The following PCED1B variants were observed in gnomAD, a reference collection of about 807,000 sequenced individuals.
PCED1B encodes the protein PC-esterase domain-containing protein 1B.
For missense variants in PCED1B, 573 were observed against 573.9 expected (o/e 1.00, Z 0.02); for synonymous variants, 251 against 246.1 (o/e 1.02, Z -0.19).
chr12:47,158,031 C>T (rs981342619), intron 2 of PCED1B, among the ~76,000 whole-genome samples: 10 of 152,012 alleles, frequency 6.6e-5, no homozygotes, highest in African/African-American at 2.4e-4. Flanking sequence ...TTTCACTTAT[C>T]TATTTATTTG....
chr12:47,118,679 T>C (rs1939542089), intron 2 of PCED1B, among the ~76,000 whole-genome samples: 1 of 152,214 alleles, frequency 6.6e-6, no homozygotes, highest in Non-Finnish European at 1.5e-5. Context: ...TGTGGGCTCT[T>C]TTTTGGTTCC....
intron 3 of PCED1B, among the ~76,000 whole-genome samples, chr12:47,232,098 AGG>A (rs1211031852): frequency 1.3e-5 from 2 of 152,236 alleles, no homozygotes; most frequent in Admixed American, 6.5e-5. Context: ...AGCATATAGT[AGG>A]CACTTATTAA....
At chr12:47,218,867 A>G (rs1943386538) in intron 3 of PCED1B, among the ~76,000 whole-genome samples, 1 of 152,006 alleles carries the variant, frequency 6.6e-6, no homozygotes, top group Non-Finnish European at 1.5e-5. Context: ...CCTGTGGAAA[A>G]AGGTGACTCA....
chr12:47,211,134 T>G (rs1943064722), intron 2 of PCED1B, among the ~76,000 whole-genome samples: 1 of 152,180 alleles, frequency 6.6e-6, no homozygotes, highest in Non-Finnish European at 1.5e-5. Flanking sequence ...AAGCCATAAA[T>G]GCACTCCCAA....
chr12:47,120,763 C>A (rs1258330728), intron 2 of PCED1B, among the ~76,000 whole-genome samples: 1 of 152,146 alleles, frequency 6.6e-6, no homozygotes, highest in Non-Finnish European at 1.5e-5. Flanking sequence ...GATCATGTCA[C>A]TGCCTTTCAG....
chr12:47,125,302 G>A (rs1324758839), intron 2 of PCED1B, among the ~76,000 whole-genome samples: 4 of 151,860 alleles, frequency 2.6e-5, no homozygotes, highest in African/African-American at 4.8e-5. Context: ...TTGTACCCCT[G>A]CAAAAATCAA....
chr12:47,236,083 C>T lies in PCED1B; in HGVS notation c.1020C>T (p.Ala340=). The part of the protein sequence containing the change: ...MPRFPQGPPD[A]CFSSDHTFQS... ...GGTTCCCACAGGGTCCCCCAGATGCCTGTTTTTCCTCAGACCATACTTTCC... is the reference window on the plus strand; with the variant it reads ...GGTTCCCACAGGGTCCCCCAGATGCTTGTTTTTCCTCAGACCATACTTTCC... The change falls in exon 4 of 4, where the codon GCC becomes GCT. Residue 340 remains alanine, a synonymous_variant. Coordinates refer to ENST00000546455, the MANE Select transcript of PCED1B (RefSeq NM_138371.3). 2.5e-6 allele frequency: 4 copies of T among 1,614,124 alleles called. No homozygotes were observed. Among genetic ancestry groups the T allele is most frequent in the Middle Eastern group, 1.6e-4 (1 of 6,062 alleles).
chr12:47,163,267 A>G (rs963662286), intron 2 of PCED1B, among the ~76,000 whole-genome samples: 3 of 152,188 alleles, frequency 2.0e-5, no homozygotes, highest in Admixed American at 6.5e-5. Flanking sequence ...TTGACTTTGT[A>G]TCCTGCTACT....
intron 2 of PCED1B, among the ~76,000 whole-genome samples, chr12:47,123,356 A>G (rs1592167900): frequency 1.3e-5 from 2 of 152,290 alleles, no homozygotes; most frequent in South Asian, 2.1e-4. Flanking sequence ...ACATAGCCTC[A>G]TATAACTCCA....
At chr12:47,110,447 G>T (rs114885653) in intron 2 of PCED1B, among the ~76,000 whole-genome samples, 1 of 152,146 alleles carries the variant, frequency 6.6e-6, no homozygotes, top group Non-Finnish European at 1.5e-5. Context: ...GAAGTGTTTG[G>T]TAACAGTTTG....
intron 1 of PCED1B, among the ~76,000 whole-genome samples, chr12:47,085,223 A>G (rs988388836): frequency 1.3e-5 from 2 of 152,220 alleles, no homozygotes; most frequent in African/African-American, 4.8e-5. Context: ...GACTATTTCT[A>G]AAGTTCCTTT....
At chr12:47,182,171 G>A (rs1942114906) in intron 2 of PCED1B, among the ~76,000 whole-genome samples, 1 of 152,236 alleles carries the variant, frequency 6.6e-6, no homozygotes. Context: ...GATCCTTCTA[G>A]TGAGGGGGTG....
intron 2 of PCED1B, among the ~76,000 whole-genome samples, chr12:47,208,152 C>T (rs972886554): frequency 1.3e-5 from 2 of 152,126 alleles, no homozygotes; most frequent in Non-Finnish European, 2.9e-5. Context: ...GGTCTCTGAA[C>T]CGGCTGCCCT....
At chr12:47,212,617 G>A (rs1943128748) in intron 2 of PCED1B, among the ~76,000 whole-genome samples, 1 of 152,168 alleles carries the variant, frequency 6.6e-6, no homozygotes, top group Non-Finnish European at 1.5e-5. Flanking sequence ...CAGTGATGGT[G>A]TCATACCAGC....
chr12:47,229,939 T>C (rs989203381), intron 3 of PCED1B, among the ~76,000 whole-genome samples: 1 of 143,928 alleles, frequency 6.9e-6, no homozygotes. Context: ...CCGGCTAATA[T>C]TTTTTTTTGT....
chr12:47,196,747 C>T (rs1178491795), intron 2 of PCED1B, among the ~76,000 whole-genome samples: 1 of 151,846 alleles, frequency 6.6e-6, no homozygotes, highest in African/African-American at 2.4e-5. Context: ...ATTGCTTGAA[C>T]CCAGGAGACG....
chr12:47,148,023 G>T (rs897960571), intron 2 of PCED1B, among the ~76,000 whole-genome samples: 4 of 152,156 alleles, frequency 2.6e-5, no homozygotes, highest in Non-Finnish European at 4.4e-5. Context: ...ATTTCTCATA[G>T]TTCTGGAGGC....
At chr12:47,210,025 A>T (rs1265334491) in intron 2 of PCED1B, 1 of 152,222 alleles carries the variant, frequency 6.6e-6, no homozygotes, top group East Asian at 1.9e-4. Flanking sequence ...GGAAGGAGTC[A>T]CAGATGATCT....
At chr12:47,118,888 C>A (rs1000149007) in intron 2 of PCED1B, among the ~76,000 whole-genome samples, 1 of 152,104 alleles carries the variant, frequency 6.6e-6, no homozygotes, top group African/African-American at 2.4e-5. Flanking sequence ...TTGTAGTTGT[C>A]CTTGAAGAGG....
Sources: gnomAD v4.1 joint callset for allele counts (sites outside exome capture counted in the v4.1 genomes callset) on GRCh38, gnomAD v4.1.1 for gene constraint, MANE v1.5 for transcripts, NCBI Gene and HGNC (gene_info 2026-07-23, HGNC 2026-07-21) for gene names.